The following EDA variants were observed in gnomAD, a reference collection of about 807,000 sequenced individuals.
EDA encodes ectodysplasin A, also known as ectodysplasin-A.
In EDA, 2 loss-of-function variants were observed where a neutral mutation model predicts 23.6. That is an observed-to-expected ratio of 0.08 (90% CI 0.03 to 0.27). The LOEUF (loss-of-function observed/expected upper bound fraction) is 0.27. EDA is among the 10% of genes least tolerant of loss of function. The pLI is 1.00. For missense variants in EDA, 229 were observed against 324.2 expected (o/e 0.71, Z 2.26); for synonymous variants, 131 against 132.0 (o/e 0.99, Z 0.05).
chrX:69,717,624 A>C (rs2012397507), intron 1 of EDA, among the ~76,000 whole-genome samples: 1 of 106,188 alleles, frequency 9.4e-6, no homozygotes, highest in East Asian at 3.0e-4. Flanking sequence ...GGTTCACACC[A>C]TTCTCCTGCC....
chrX:69,677,707 G>A (rs1285403619), intron 1 of EDA, among the ~76,000 whole-genome samples: 2 of 111,763 alleles, frequency 1.8e-5, no homozygotes, highest in Non-Finnish European at 1.9e-5. Context: ...TGAGTTCATT[G>A]TAGATTCTGG....
At chrX:70,014,810 A>G (rs1209557283) in intron 2 of EDA, among the ~76,000 whole-genome samples, 1 of 112,362 alleles carries the variant, frequency 8.9e-6, no homozygotes, top group Admixed American at 9.4e-5. Context: ...CTAAGGAAGA[A>G]CCTCAGATCT....
intron 1 of EDA, among the ~76,000 whole-genome samples, chrX:69,657,934 G>A (rs374238987): frequency 6.3e-5 from 7 of 111,392 alleles, no homozygotes; most frequent in African/African-American, 2.3e-4. Flanking sequence ...GCTTAGGATT[G>A]CCTTGGCTAT....
chrX:69,873,942 G>A (rs936560845), intron 1 of EDA, among the ~76,000 whole-genome samples: 2 of 111,826 alleles, frequency 1.8e-5, no homozygotes, highest in Admixed American at 9.5e-5. Flanking sequence ...CTAGCAAACC[G>A]AATCCAACAG....
intron 1 of EDA, among the ~76,000 whole-genome samples, chrX:69,844,162 T>C (rs1001706064): frequency 2.7e-5 from 3 of 111,511 alleles, no homozygotes; most frequent in Non-Finnish European, 5.7e-5. Flanking sequence ...AATCTAGCCT[T>C]TTATGGTTCT....
chrX:69,710,170 T>C (rs1054179008), intron 1 of EDA, among the ~76,000 whole-genome samples: 1 of 110,576 alleles, frequency 9.0e-6, no homozygotes, highest in Admixed American at 9.7e-5. Context: ...AATTGATTTT[T>C]GTATAAGGTG....
intron 1 of EDA, among the ~76,000 whole-genome samples, chrX:69,894,637 T>C (rs1235772858): frequency 1.8e-5 from 2 of 111,464 alleles, no homozygotes; most frequent in Non-Finnish European, 3.8e-5. Context: ...TGGTTAGCTG[T>C]ATTCCTAGGT....
rs2019580202 is a variant in EDA, at chrX:69,990,913, T to C, written c.503-32305T>C. 3.6e-5 allele frequency among the ~76,000 whole-genome samples: 4 copies of C among 110,740 alleles called. No individual in the cohort carries two copies. The South Asian group carries it at 1.5e-3, about 42-fold the overall frequency. On this transcript the variant is annotated intron_variant, in intron 2 of 7. Coordinates refer to ENST00000374552, the MANE Select transcript of EDA (RefSeq NM_001399.5). ...TCTCTGTTCTTCAGATTGAGTAAAC[T>C]ATATTCATCTGTCTTTGAGTTTGTT...
intron 5 of EDA, 97 bp from the exon 6 acceptor site, chrX:70,030,372 A>G (rs1310043364): frequency 5.3e-6 from 4 of 759,511 alleles, no homozygotes; most frequent in South Asian, 2.2e-5. Context: ...TTGGATTACA[A>G]TAGAAGACTA....
rs748191518 is a variant in EDA, at chrX:70,033,412, G to A, written c.808G>A (p.Val270Met). 3.6e-5 allele frequency: 43 copies of A among 1,210,691 alleles called. No individual in the cohort carries two copies. The highest frequency in any genetic ancestry group is 5.2e-5 in the African/African-American group (3 of 57,305). Reference protein sequence around the residue: ...IQVKNDLSGGVLNDWSRITMN... With the variant: ...IQVKNDLSGGMLNDWSRITMN... The stretch of plus-strand genomic sequence containing the variant: ...CTCATACTGAGATCTTTCAGGTGGA[G>A]TGCTCAATGACTGGTCTCGCATCAC... The change falls in exon 7 of 8, where the codon GTG becomes ATG. Residue 270 changes from valine to methionine, a missense_variant. Around this residue, in one of 2 missense-constraint regions of EDA, gnomAD observed 175 missense variants for 281.8 expected, o/e 0.62. Transcript: ENST00000374552.
At chrX:70,019,522 T>C (rs1421328655) in intron 2 of EDA, among the ~76,000 whole-genome samples, 1 of 109,134 alleles carries the variant, frequency 9.2e-6, no homozygotes, top group Non-Finnish European at 1.9e-5. Flanking sequence ...GTAGACTGGA[T>C]AAAGAAAATG....
At chrX:69,754,662 A>G (rs193182929) in intron 1 of EDA, among the ~76,000 whole-genome samples, 2 of 111,904 alleles carry the variant, frequency 1.8e-5, no homozygotes, top group East Asian at 5.6e-4. Context: ...AGTGTTTTCC[A>G]AGTTGGTTCC....
At chrX:69,769,488 G>A in intron 1 of EDA, among the ~76,000 whole-genome samples, 1 of 111,264 alleles carries the variant, frequency 9.0e-6, no homozygotes, top group Non-Finnish European at 1.9e-5. Context: ...CCTCTTAATT[G>A]AGGTGTTTAA....
intron 1 of EDA, among the ~76,000 whole-genome samples, chrX:69,917,289 A>T (rs2018360643): frequency 9.0e-6 from 1 of 111,481 alleles, no homozygotes; most frequent in Non-Finnish European, 1.9e-5. Context: ...AAAACTTGAA[A>T]ACCCAAATAA....
chrX:69,877,315 C>T (rs935605681), intron 1 of EDA, among the ~76,000 whole-genome samples: 6 of 111,565 alleles, frequency 5.4e-5, no homozygotes, highest in Non-Finnish European at 1.1e-4. Context: ...AAAAAATGAC[C>T]ATACCATTTT....
chrX:69,709,348 G>A (rs1255734617), intron 1 of EDA, among the ~76,000 whole-genome samples: 1 of 111,645 alleles, frequency 9.0e-6, no homozygotes, highest in Non-Finnish European at 1.9e-5. Context: ...AGGATATGTG[G>A]CCTTTTAGCA....
intron 1 of EDA, among the ~76,000 whole-genome samples, chrX:69,875,568 G>A (rs1167120646): frequency 9.0e-6 from 1 of 111,700 alleles, no homozygotes; most frequent in African/African-American, 3.3e-5. Flanking sequence ...CTAGACATTG[G>A]CTTAGGCAAA....
rs1182043625 is a variant in EDA, at chrX:69,645,602, GTA to G, written c.396+28910_396+28911del. On this transcript the variant is annotated intron_variant, in intron 1 of 7. Transcript: ENST00000374552. Reference sequence around the variant, plus strand: ...AGTTCTTTTATATATATGTGTGTGTGTATATATATATATGTGTGTGTATATAT... The same window carrying G: ...AGTTCTTTTATATATATGTGTGTGTGTATATATATATGTGTGTGTATATAT... 1.4e-3 allele frequency among the ~76,000 whole-genome samples: 52 copies of G among 36,788 alleles called. 5 individuals carry two copies. Among genetic ancestry groups the G allele is most frequent in the Admixed American group, 2.6e-3 (7 of 2,696 alleles). 31.9% of individuals were successfully genotyped at this position (36,788 alleles called of 115,157 possible). A position where few individuals can be genotyped will look rare whatever the true frequency, so the allele number is the denominator to read the frequency against.
chrX:69,913,584 T>A (rs2018299468), intron 1 of EDA, among the ~76,000 whole-genome samples: 1 of 112,327 alleles, frequency 8.9e-6, no homozygotes, highest in Non-Finnish European at 1.9e-5. Flanking sequence ...ACTTTCTCCA[T>A]ATCGGCAATA....
Sources: gnomAD v4.1 joint callset for allele counts (sites outside exome capture counted in the v4.1 genomes callset) on GRCh38, gnomAD v4.1.1 for gene constraint, gnomAD v4.1.1 regional missense constraint, MANE v1.5 for transcripts, NCBI Gene and HGNC (gene_info 2026-07-23, HGNC 2026-07-21) for gene names.